The following ROBO1 variants were observed in gnomAD, a reference collection of about 807,000 sequenced individuals.
ROBO1 encodes roundabout homolog 1.
In ROBO1, 149 loss-of-function variants were observed where a neutral mutation model predicts 195.9. That is an observed-to-expected ratio of 0.76 (90% CI 0.67 to 0.87). ROBO1 has a LOEUF of 0.87. Among genes scored for constraint, ROBO1 ranks in the 40% least tolerant of loss-of-function variants. The probability of loss-of-function intolerance (pLI) is 0.00; values close to 1 mark genes in which losing one functional copy is unlikely to be tolerated. For missense variants in ROBO1, 1,933 were observed against 2,068.3 expected (o/e 0.93, Z 1.27); for synonymous variants, 816 against 733.2 (o/e 1.11, Z -1.82).
chr3:79,270,213 CT>C (rs2030406411), intron 2 of ROBO1, among the ~76,000 whole-genome samples: 1 of 150,918 alleles, frequency 6.6e-6, no homozygotes. Flanking sequence ...CTCTCTCTCT[CT>C]CTCTCTCACA....
chr3:79,229,309 CT>C (rs1046912177), intron 2 of ROBO1, among the ~76,000 whole-genome samples: 8 of 152,038 alleles, frequency 5.3e-5, no homozygotes, highest in African/African-American at 1.9e-4. Context: ...TAACTGACTA[CT>C]GTGTAGGAGA....
chr3:79,648,880 C>A (rs1945914548), intron 1 of ROBO1, among the ~76,000 whole-genome samples: 1 of 151,950 alleles, frequency 6.6e-6, no homozygotes, highest in African/African-American at 2.4e-5. Context: ...CTGCAGGTTT[C>A]TCAATGGCCA....
chr3:79,111,249 T>C (rs765365432), intron 3 of ROBO1, among the ~76,000 whole-genome samples: 56 of 152,318 alleles, frequency 3.7e-4, no homozygotes, highest in Non-Finnish European at 6.2e-4. Flanking sequence ...ACAGCATTGC[T>C]GGATTGAGGC....
intron 2 of ROBO1, among the ~76,000 whole-genome samples, chr3:79,431,164 A>C (rs918686644): frequency 6.6e-6 from 1 of 152,152 alleles, no homozygotes; most frequent in Non-Finnish European, 1.5e-5. Context: ...GCAACTTGGC[A>C]TGAGGGCCAG....
intron 4 of ROBO1, among the ~76,000 whole-genome samples, chr3:78,797,135 T>A (rs573600946): frequency 6.6e-6 from 1 of 152,292 alleles, no homozygotes; most frequent in African/African-American, 2.4e-5. Flanking sequence ...TGTGCTCTGG[T>A]AACAACCTAT....
At chr3:79,735,387 C>T (rs1703335508) in intron 1 of ROBO1, among the ~76,000 whole-genome samples, 1 of 152,100 alleles carries the variant, frequency 6.6e-6, no homozygotes, top group Admixed American at 6.5e-5. Context: ...AAATAGATGG[C>T]TGGGAGGCAG....
At chr3:79,575,292 A>G (rs1321103418) in intron 2 of ROBO1, among the ~76,000 whole-genome samples, 2 of 127,350 alleles carry the variant, frequency 1.6e-5, no homozygotes, top group Admixed American at 9.1e-5. Context: ...ATAAATATAT[A>G]TAACAAATAT....
intron 2 of ROBO1, among the ~76,000 whole-genome samples, chr3:79,392,973 C>T (rs2037011161): frequency 6.6e-6 from 1 of 152,122 alleles, no homozygotes; most frequent in South Asian, 2.1e-4. Flanking sequence ...AAAGTCTCTT[C>T]CTTTCCCTTT....
At chr3:78,655,299 G>A (rs1263780736) in intron 18 of ROBO1, among the ~76,000 whole-genome samples, 2 of 152,222 alleles carry the variant, frequency 1.3e-5, no homozygotes, top group African/African-American at 2.4e-5. Flanking sequence ...CTGTTGGGAG[G>A]AGCCTTCCTA....
At chr3:78,994,082 T>C (rs192994715) in intron 3 of ROBO1, among the ~76,000 whole-genome samples, 61 of 152,300 alleles carry the variant, frequency 4.0e-4, no homozygotes, top group African/African-American at 1.4e-4. Flanking sequence ...TTCAGCCAAA[T>C]TGATCTATAT....
chr3:78,924,615 A>C (rs1159485675), intron 4 of ROBO1, among the ~76,000 whole-genome samples: 1 of 152,054 alleles, frequency 6.6e-6, no homozygotes, highest in African/African-American at 2.4e-5. Context: ...GTGTTTGTGT[A>C]TACTTTCTGT....
intron 17 of ROBO1, among the ~76,000 whole-genome samples, chr3:78,657,564 T>C (rs1265620094): frequency 1.3e-5 from 2 of 152,230 alleles, no homozygotes; most frequent in Non-Finnish European, 2.9e-5. Flanking sequence ...ATCAGCCCAC[T>C]TCATTTAGAT....
At chr3:78,948,317 TG>T (rs1386388790) in intron 3 of ROBO1, among the ~76,000 whole-genome samples, 13 of 152,140 alleles carry the variant, frequency 8.5e-5, no homozygotes, top group Admixed American at 6.5e-5. Context: ...TTATCCACCA[TG>T]ATCAAGTGGG....
At chr3:79,473,591 C>A (rs927872711) in intron 2 of ROBO1, among the ~76,000 whole-genome samples, 1 of 151,934 alleles carries the variant, frequency 6.6e-6, no homozygotes, top group Admixed American at 6.6e-5. Context: ...TTTAATACCT[C>A]CTACTGTATA....
chr3:79,125,293 G>A (rs1009325297), intron 3 of ROBO1, among the ~76,000 whole-genome samples, 163 bp downstream of exon 3: 1 of 152,156 alleles, frequency 6.6e-6, no homozygotes, highest in East Asian at 1.9e-4. Flanking sequence ...GTTTACTTTA[G>A]CAATATGATC....
intron 2 of ROBO1, among the ~76,000 whole-genome samples, chr3:79,146,212 C>A (rs1011744972): frequency 6.6e-6 from 1 of 152,028 alleles, no homozygotes; most frequent in African/African-American, 2.4e-5. Context: ...TGGCCCCACC[C>A]ACACTTCTGA....
intron 4 of ROBO1, among the ~76,000 whole-genome samples, chr3:78,757,373 A>G (rs929621479): frequency 2.6e-5 from 4 of 152,106 alleles, no homozygotes; most frequent in Non-Finnish European, 4.4e-5. Context: ...TAAGTGCCTG[A>G]AAAAGACTAG....
intron 3 of ROBO1, among the ~76,000 whole-genome samples, chr3:79,091,146 C>T (rs1007213891): frequency 6.6e-6 from 1 of 152,036 alleles, no homozygotes; most frequent in African/African-American, 2.4e-5. Flanking sequence ...ACATAACCCC[C>T]AACAAAATTT....
chr3:78,882,534 G>A (rs2036244197), intron 4 of ROBO1, among the ~76,000 whole-genome samples: 1 of 152,184 alleles, frequency 6.6e-6, no homozygotes, highest in South Asian at 2.1e-4. Context: ...CATGCTGAAT[G>A]AAATATCTGC....
Sources: allele counts gnomAD v4.1 joint callset (sites outside exome capture counted in the v4.1 genomes callset), GRCh38; gene constraint gnomAD v4.1.1; transcripts MANE v1.5; gene names NCBI Gene and HGNC (gene_info 2026-07-23, HGNC 2026-07-21).